REEP3: variants seen among roughly 807,000 people sequenced by gnomAD.
REEP3 encodes receptor expression-enhancing protein 3.
A neutral mutation model predicts 41.3 loss-of-function variants in REEP3; 20 were observed. The ratio of observed to expected loss-of-function variants is 0.48; its 90% CI spans 0.34 to 0.70. The LOEUF is 0.70. Among genes scored for constraint, REEP3 ranks in the 30% least tolerant of loss-of-function variants. The probability of loss-of-function intolerance (pLI) is 0.01; values close to 1 mark genes in which losing one functional copy is unlikely to be tolerated. For missense variants in REEP3, 271 were observed against 308.8 expected, an observed-to-expected ratio of 0.88 and a Z score of 0.92; for synonymous variants, 104 against 101.8, an observed-to-expected ratio of 1.02 and a Z score of -0.13.
chr10:63,556,323 T>C (rs1484070228), intron 1 of REEP3, among the ~76,000 whole-genome samples: 2 of 151,796 alleles, frequency 1.3e-5, no homozygotes, highest in East Asian at 1.9e-4. Flanking sequence ...GGTTTCACCA[T>C]GTTGGTCAGG....
intron 5 of REEP3, among the ~76,000 whole-genome samples, chr10:63,600,442 A>C (rs568816132): frequency 7.2e-5 from 11 of 152,210 alleles, no homozygotes; most frequent in Non-Finnish European, 1.6e-4. Flanking sequence ...AATATAGCAT[A>C]GTTTTCTTGT....
intron 6 of REEP3, among the ~76,000 whole-genome samples, 163 bp from the exon 7 acceptor site, chr10:63,619,492 G>A (rs1956336206): frequency 2.0e-5 from 3 of 152,170 alleles, no homozygotes; most frequent in Admixed American, 6.5e-5. Context: ...GGAATAGTGC[G>A]AGGCAAAGCT....
rs1430902074 is a variant in REEP3 at position 63,623,753 on chromosome 10, A to ATGTGTGTGTG, written c.*2885_*2886insGTGTGTGTGT. On this transcript the variant is annotated 3_prime_UTR_variant, in exon 8 of 8. Coordinates refer to ENST00000373758, the MANE Select transcript of REEP3 (RefSeq NM_001001330.3). ...ATCCCCCTCACATACTTCACAATAT[A>ATGTGTGTGTG]TATGTGTGTGTGTGTGTGTGTGTGT... is the stretch of plus-strand genomic sequence containing the variant. 1 of 110,176 alleles carries ATGTGTGTGTG rather than the reference A, an allele frequency of 9.1e-6. No individual in the cohort carries two copies. Among genetic ancestry groups the ATGTGTGTGTG allele is most frequent in the Non-Finnish European group, 1.9e-5 (1 of 52,890 alleles). 6.8% of individuals were successfully genotyped at this position (110,176 alleles called of 1,614,324 possible).
At chr10:63,563,854 C>G (rs1955769084) in intron 1 of REEP3, among the ~76,000 whole-genome samples, 1 of 152,102 alleles carries the variant, frequency 6.6e-6, no homozygotes. Flanking sequence ...TGGTTTTCCT[C>G]CCGAAAACCC....
chr10:63,619,420 A>G lies in REEP3; in HGVS notation c.566-235A>G, dbSNP rs1006518350. Among the ~76,000 whole-genome samples the G allele has an allele frequency of 5.3e-5, 8 of 152,340 alleles. No individual in the cohort carries two copies. In the East Asian group the frequency reaches 5.8e-4, roughly 11 times the overall value. The stretch of plus-strand genomic sequence containing the variant: ...ATTTTATAATTATTTTTAAAAATGC[A>G]TAGTAAAAATAAGAATGATCAGGGA... On this transcript the variant is annotated intron_variant, in intron 6 of 7. Coordinates refer to ENST00000373758, the MANE Select transcript of REEP3 (RefSeq NM_001001330.3).
At chr10:63,605,171 G>A (rs1374977292) in intron 5 of REEP3, among the ~76,000 whole-genome samples, 3 of 152,200 alleles carry the variant, frequency 2.0e-5, no homozygotes, top group South Asian at 2.1e-4. Context: ...ATATAAATAT[G>A]TATAAGTAGT....
chr10:63,564,620 C>G (rs1158206672), intron 1 of REEP3, among the ~76,000 whole-genome samples: 1 of 136,140 alleles, frequency 7.3e-6, no homozygotes, highest in Admixed American at 7.2e-5. Context: ...GACCCTGTCT[C>G]AGAAAAAAAA....
chr10:63,594,229 C>CA (rs66606088), intron 2 of REEP3, among the ~76,000 whole-genome samples: 87,782 of 146,458 alleles, frequency 0.6, 26,623 homozygotes, highest in East Asian at 0.68. Context: ...AAAAAAAAAC[C>CA]AAAAAAAATT....
intron 2 of REEP3, among the ~76,000 whole-genome samples, chr10:63,582,218 G>T (rs375294027): frequency 1.3e-5 from 2 of 152,348 alleles, no homozygotes; most frequent in South Asian, 4.1e-4. Flanking sequence ...GGTGATGCCA[G>T]TGCAGCTAGT....
intron 1 of REEP3, among the ~76,000 whole-genome samples, chr10:63,561,342 A>C (rs1955737550): frequency 6.6e-6 from 1 of 152,238 alleles, no homozygotes; most frequent in African/African-American, 2.4e-5. Context: ...GGAAGGGTAG[A>C]TCTTGAAGAA....
At chr10:63,552,126 C>T (rs1319722781) in intron 1 of REEP3, among the ~76,000 whole-genome samples, 5 of 152,088 alleles carry the variant, frequency 3.3e-5, no homozygotes, top group Non-Finnish European at 7.4e-5. Context: ...GCACTGGGGC[C>T]GGGCACAGTG....
intron 6 of REEP3, among the ~76,000 whole-genome samples, chr10:63,615,604 G>C (rs1269096083): frequency 6.7e-6 from 1 of 150,302 alleles, no homozygotes; most frequent in African/African-American, 2.5e-5. Flanking sequence ...GGAGTGCAGT[G>C]GCGCGATCTC....
At chr10:63,536,196 C>T (rs886524451) in intron 1 of REEP3, among the ~76,000 whole-genome samples, 1 of 152,190 alleles carries the variant, frequency 6.6e-6, no homozygotes, top group Non-Finnish European at 1.5e-5. Flanking sequence ...AGCTATATGG[C>T]AGTTGAGCTC....
chr10:63,559,246 C>T, intron 1 of REEP3, among the ~76,000 whole-genome samples: 1 of 152,200 alleles, frequency 6.6e-6, no homozygotes, highest in East Asian at 1.9e-4. Context: ...TAATTATTAA[C>T]ACTACTAACT....
intron 1 of REEP3, among the ~76,000 whole-genome samples, chr10:63,540,052 G>GA (rs1361318909): frequency 6.6e-6 from 1 of 152,144 alleles, no homozygotes; most frequent in African/African-American, 2.4e-5. Context: ...ATTAAAACAA[G>GA]AAAATTTGAG....
intron 5 of REEP3, among the ~76,000 whole-genome samples, chr10:63,606,449 G>A (rs1308072828): frequency 6.6e-6 from 1 of 151,730 alleles, no homozygotes; most frequent in Non-Finnish European, 1.5e-5. Context: ...GCAGAGTTGT[G>A]ATCACAGCTC....
At chr10:63,548,210 A>T (rs567328106) in intron 1 of REEP3, among the ~76,000 whole-genome samples, 7 of 152,164 alleles carry the variant, frequency 4.6e-5, no homozygotes, top group Middle Eastern at 3.4e-3. Context: ...GTTGCTAGGC[A>T]CTCATTTCTG....
intron 1 of REEP3, among the ~76,000 whole-genome samples, chr10:63,559,236 T>G (rs910014808): frequency 3.9e-5 from 6 of 152,212 alleles, no homozygotes; most frequent in African/African-American, 1.4e-4. Context: ...GTTCAGAAAT[T>G]AATTATTAAC....
At chr10:63,609,400 C>T (rs1166586519) in intron 5 of REEP3, among the ~76,000 whole-genome samples, 2 of 138,032 alleles carry the variant, frequency 1.4e-5, no homozygotes, top group Non-Finnish European at 3.1e-5. Context: ...TGCAGTGAGC[C>T]GAGATTGCGC....
Sources: allele counts gnomAD v4.1 joint callset (sites outside exome capture counted in the v4.1 genomes callset), GRCh38; gene constraint gnomAD v4.1.1; transcripts MANE v1.5; gene names NCBI Gene and HGNC (gene_info 2026-07-23, HGNC 2026-07-21).